The following ST18 variants were observed in gnomAD, a reference collection of about 807,000 sequenced individuals.
ST18 encodes suppression of tumorigenicity 18 protein.
A neutral mutation model predicts 110.0 loss-of-function variants in ST18; 50 were observed. The ratio of observed to expected loss-of-function variants is 0.45; its 90% CI spans 0.36 to 0.58. The LOEUF is 0.58. Ranked by LOEUF, ST18 falls within the 20% of genes least tolerant of loss-of-function variation. The probability of loss-of-function intolerance (pLI) is 0.00; values close to 1 mark genes in which losing one functional copy is unlikely to be tolerated. For missense variants in ST18, 1,306 were observed against 1,280.1 expected (o/e 1.02, Z -0.31); for synonymous variants, 461 against 452.4 (o/e 1.02, Z -0.24).
At chr8:52,264,886 T>C (rs2094816687) in intron 2 of ST18, among the ~76,000 whole-genome samples, 1 of 152,222 alleles carries the variant, frequency 6.6e-6, no homozygotes, top group Non-Finnish European at 1.5e-5. Context: ...AATTTTTGTC[T>C]GTAATTGTTT....
Position 52,161,572 on chromosome 8 carries a change from G to C in ST18, c.1401-4C>G. 6.2e-7 allele frequency: 1 copy of C among 1,614,022 alleles called. No individual in the cohort carries two copies. Among genetic ancestry groups the C allele is most frequent in the Non-Finnish European group, 8.5e-7 (1 of 1,179,958 alleles). ...AATTTGCTTCACCAAACTTGTCCTG[G>C]AGAGGGGGGTGAAGCAGTTCAAAAG... On this transcript the variant is annotated splice_polypyrimidine_tract_variant and splice_region_variant and intron_variant, in intron 13 of 25. Coordinates refer to ENST00000689386, the MANE Select transcript of ST18 (RefSeq NM_001352837.2).
Position 52,161,532 on chromosome 8 carries a change from C to G in ST18, c.1437G>C (p.Pro479=), listed in dbSNP as rs10106379. The stretch of plus-strand genomic sequence containing the variant: ...CTCTGGGAGAGGTGATGGCTTGTGA[C>G]GGGAAATTGAATTCAATTTGCTTCA... The part of the protein sequence containing the change: ...SLVKQIEFNF[P]SQAITSPRAT... The change falls in exon 14 of 26, where the codon CCG becomes CCC. Residue 479 remains proline, a synonymous_variant. Coordinates refer to ENST00000689386, the MANE Select transcript of ST18 (RefSeq NM_001352837.2). 1 of 1,613,948 alleles carries G rather than the reference C, an allele frequency of 6.2e-7. No individual in the cohort carries two copies. The highest frequency in any genetic ancestry group is 8.5e-7 in the Non-Finnish European group (1 of 1,179,996).
intron 2 of ST18, among the ~76,000 whole-genome samples, chr8:52,394,516 C>A (rs1445113043): frequency 6.6e-6 from 1 of 152,186 alleles, no homozygotes; most frequent in Non-Finnish European, 1.5e-5. Context: ...TTTCCAATCC[C>A]TGCCTGAGCA....
chr8:52,352,810 A>G (rs1820998830), intron 2 of ST18, among the ~76,000 whole-genome samples: 1 of 152,202 alleles, frequency 6.6e-6, no homozygotes, highest in African/African-American at 2.4e-5. Flanking sequence ...TGGGAGAAGA[A>G]ATGTTACCTG....
chr8:52,152,054 G>A (rs11781759), intron 15 of ST18, among the ~76,000 whole-genome samples: 3,679 of 152,248 alleles, frequency 0.024, 64 homozygotes, highest in Middle Eastern at 0.054. Flanking sequence ...TATACATTTC[G>A]AGTCAATTAC....
rs2133372680 is a variant in ST18, at chr8:52,165,122, T to C, written c.1295+13A>G. On this transcript the variant is annotated intron_variant, in intron 12 of 25. Coordinates refer to ENST00000689386, the MANE Select transcript of ST18 (RefSeq NM_001352837.2). ...TTTTAAATGCAAAATGATTATCATC[T>C]AATGAGAATTACCTCCTGTGGGTGT... 1 of 1,612,772 alleles carries C rather than the reference T, an allele frequency of 6.2e-7. No homozygotes were observed. Among genetic ancestry groups the C allele is most frequent in the African/African-American group, 1.3e-5 (1 of 75,032 alleles).
intron 8 of ST18, among the ~76,000 whole-genome samples, chr8:52,208,186 T>C (rs2080796847): frequency 6.6e-6 from 1 of 152,214 alleles, no homozygotes; most frequent in Non-Finnish European, 1.5e-5. Context: ...TAAATTAGTT[T>C]CATTTGTATT....
intron 15 of ST18, among the ~76,000 whole-genome samples, chr8:52,155,685 G>C (rs939175855): frequency 6.6e-6 from 1 of 152,158 alleles, no homozygotes; most frequent in Non-Finnish European, 1.5e-5. Flanking sequence ...TATATTTTTA[G>C]AGTGTGTAGG....
chr8:52,338,848 C>T (rs1813475122), intron 2 of ST18, among the ~76,000 whole-genome samples: 1 of 152,118 alleles, frequency 6.6e-6, no homozygotes, highest in Non-Finnish European at 1.5e-5. Context: ...GTCAATCCTC[C>T]TACCTCAGTC....
At chr8:52,360,301 A>G (rs987992792) in intron 2 of ST18, among the ~76,000 whole-genome samples, 1 of 152,140 alleles carries the variant, frequency 6.6e-6, no homozygotes, top group Non-Finnish European at 1.5e-5. Flanking sequence ...TGAACTTTTT[A>G]TAAGCGTATA....
At chr8:52,177,867 G>A (rs73679154) in intron 9 of ST18, among the ~76,000 whole-genome samples, 40 of 152,164 alleles carry the variant, frequency 2.6e-4, no homozygotes, top group South Asian at 8.3e-4. Context: ...ACACACACTC[G>A]TGGCATTATG....
intron 2 of ST18, among the ~76,000 whole-genome samples, chr8:52,359,157 A>G (rs1824533214): frequency 6.6e-6 from 1 of 152,074 alleles, no homozygotes. Context: ...GATATAAAAA[A>G]AGCATTTGAG....
At chr8:52,357,714 TATATA>T (rs1564568626) in intron 2 of ST18, among the ~76,000 whole-genome samples, 9 of 69,336 alleles carry the variant, frequency 1.3e-4, no homozygotes, top group African/African-American at 8.5e-4. Context: ...TATATATATA[TATATA>T]TATATATATA....
intron 2 of ST18, among the ~76,000 whole-genome samples, chr8:52,377,952 T>C (rs1372708620): frequency 2.0e-5 from 3 of 152,182 alleles, no homozygotes; most frequent in Non-Finnish European, 4.4e-5. Flanking sequence ...TGCAGCAACA[T>C]GCATGGAACT....
intron 17 of ST18, among the ~76,000 whole-genome samples, chr8:52,139,125 T>C (rs917070908): frequency 1.3e-5 from 2 of 152,130 alleles, no homozygotes; most frequent in Admixed American, 6.5e-5. Context: ...TATAAATATA[T>C]GTTAAAAAGT....
At position 52,381,981 on chromosome 8, in the gene ST18, A is replaced by C. The variant is rs13252446; in HGVS notation, c.-465+27347T>G. ...ATATGCTGCATTAAAAAACAAAAAA[A>C]AACAAAAAAACAAAGTTACAGATTT... On this transcript the variant is annotated intron_variant, in intron 2 of 25. Transcript: ENST00000689386. Among the ~76,000 whole-genome samples, 419 of 151,582 alleles carry C rather than the reference A, an allele frequency of 2.8e-3. 1 individual carries two copies. Among genetic ancestry groups the C allele is most frequent in the Non-Finnish European group, 5.0e-3 (337 of 67,900 alleles).
chr8:52,168,775 GAT>G (rs1051470374), intron 10 of ST18, among the ~76,000 whole-genome samples: 1 of 152,106 alleles, frequency 6.6e-6, no homozygotes, highest in Non-Finnish European at 1.5e-5. Flanking sequence ...ATGATTTGTG[GAT>G]ATATGTTTTA....
At chr8:52,268,550 T>C (rs10283084) in intron 2 of ST18, among the ~76,000 whole-genome samples, 5 of 151,694 alleles carry the variant, frequency 3.3e-5, no homozygotes, top group South Asian at 2.1e-4. Context: ...ATCTATCTAT[T>C]TATCTATCTA....
intron 8 of ST18, among the ~76,000 whole-genome samples, chr8:52,186,711 C>T (rs566983254): frequency 7.7e-4 from 117 of 152,320 alleles, no homozygotes; most frequent in African/African-American, 2.8e-3. Flanking sequence ...GCTCTGAATA[C>T]GCTAGCCGTG....
Sources: gnomAD v4.1 joint callset for allele counts (sites outside exome capture counted in the v4.1 genomes callset) on GRCh38, gnomAD v4.1.1 for gene constraint, MANE v1.5 for transcripts, NCBI Gene and HGNC (gene_info 2026-07-23, HGNC 2026-07-21) for gene names.